Variants in PDK1 observed in about 807,000 individuals in gnomAD.
The protein encoded by PDK1 is pyruvate dehydrogenase kinase 1.
A neutral mutation model predicts 54.2 loss-of-function variants in PDK1; 39 were observed. The observed-to-expected ratio is 0.72, with a 90% CI of 0.56 to 0.94. The LOEUF (loss-of-function observed/expected upper bound fraction) is 0.94. PDK1 is among the 40% of genes least tolerant of loss of function. The pLI, the probability that PDK1 is intolerant of heterozygous loss-of-function variation, is 0.00. For synonymous variants in PDK1, 221 were observed against 207.1 expected (o/e 1.07, Z -0.58); for missense variants, 552 against 566.0 (o/e 0.98, Z 0.25).
chr2:172,636,594 A>C, the PDK1 span, among the ~76,000 whole-genome samples: 1 of 151,974 alleles, frequency 6.6e-6, no homozygotes, highest in Non-Finnish European at 1.5e-5. Flanking sequence ...GGTGGTGGGC[A>C]CCTGCAATCC....
At chr2:172,627,165 A>T in the PDK1 span, among the ~76,000 whole-genome samples, 1 of 152,232 alleles carries the variant, frequency 6.6e-6, no homozygotes, top group Admixed American at 6.5e-5. Context: ...TGTCTGAAAG[A>T]ATAGTATCTA....
the PDK1 span, among the ~76,000 whole-genome samples, chr2:172,704,779 C>T: frequency 6.6e-6 from 1 of 152,156 alleles, no homozygotes; most frequent in East Asian, 1.9e-4. Context: ...CATCTGTCTC[C>T]CACTTTGGGA....
the PDK1 span, among the ~76,000 whole-genome samples, chr2:172,722,366 A>G: frequency 6.6e-6 from 1 of 152,220 alleles, no homozygotes; most frequent in Non-Finnish European, 1.5e-5. Context: ...CCCTAGTCAA[A>G]TCACCTGGTC....
the PDK1 span, among the ~76,000 whole-genome samples, chr2:172,642,134 G>T: frequency 6.6e-6 from 1 of 152,190 alleles, no homozygotes; most frequent in Non-Finnish European, 1.5e-5. Flanking sequence ...CGGCACTGCT[G>T]TTGGGGAAGA....
chr2:172,662,493 C>T, the PDK1 span, among the ~76,000 whole-genome samples: 22 of 143,614 alleles, frequency 1.5e-4, no homozygotes, highest in African/African-American at 4.3e-4. Context: ...TTTTTAAAAT[C>T]GTGTGTGTGT....
At chr2:172,641,442 T>C in the PDK1 span, among the ~76,000 whole-genome samples, 1 of 4,586 alleles carries the variant, frequency 2.2e-4, no homozygotes, top group South Asian at 6.3e-3. Context: ...AACTTGTCCA[T>C]TTTTTTTTTT....
At chr2:172,683,654 A>T in the PDK1 span, among the ~76,000 whole-genome samples, 98 of 152,364 alleles carry the variant, frequency 6.4e-4, no homozygotes, top group Admixed American at 5.6e-3. Context: ...TGAGTAATGC[A>T]TGGATTATAT....
chr2:172,622,518 TTATATCA>T, the PDK1 span, among the ~76,000 whole-genome samples: 9 of 148,750 alleles, frequency 6.1e-5, no homozygotes, highest in African/African-American at 2.2e-4. Flanking sequence ...TGAGATATGT[TTATATCA>T]TATATTATGT....
At chr2:172,576,175 C>G (rs2149249001) in intron 8 of PDK1, among the ~76,000 whole-genome samples, 1 of 152,296 alleles carries the variant, frequency 6.6e-6, no homozygotes, top group South Asian at 2.1e-4. Context: ...ATCCACCTGC[C>G]TCAGCCTCCC....
chr2:172,685,037 C>G, the PDK1 span, among the ~76,000 whole-genome samples: 3 of 152,200 alleles, frequency 2.0e-5, no homozygotes, highest in African/African-American at 2.4e-5. Flanking sequence ...CCTCACTTCT[C>G]TCTCTCCTGC....
At chr2:172,663,316 C>T in the PDK1 span, among the ~76,000 whole-genome samples, 2 of 152,136 alleles carry the variant, frequency 1.3e-5, no homozygotes, top group Non-Finnish European at 2.9e-5. Context: ...CTTAATTGCC[C>T]TTGAAGATTC....
chr2:172,556,263 C>T lies in PDK1; in HGVS notation c.113C>T (p.Ser38Phe), dbSNP rs2149169538. The change falls in exon 1 of 11, where the codon TCC becomes TTC. Residue 38 changes from serine to phenylalanine, a missense_variant. By Grantham distance (155) the Ser-to-Phe change is radical (BLOSUM62 -2). Transcript: ENST00000282077. ...FSSDSGSSPA[S>F]ERGVPGQVDF... Reference sequence around the variant, plus strand: ...TCGGACTCGGGCTCCAGCCCGGCGTCCGAGCGCGGCGTTCCGGGCCAGGTG... The same window carrying T: ...TCGGACTCGGGCTCCAGCCCGGCGTTCGAGCGCGGCGTTCCGGGCCAGGTG... The T allele has an allele frequency of 1.3e-6, 2 of 1,485,398 alleles. No individual in the cohort carries two copies. Among genetic ancestry groups the T allele is most frequent in the Non-Finnish European group, 1.8e-6 (2 of 1,124,238 alleles). 92.0% of individuals were successfully genotyped at this position (1,485,398 alleles called of 1,614,324 possible). A position where few individuals can be genotyped will look rare whatever the true frequency, so the allele number is the denominator to read the frequency against.
the PDK1 span, among the ~76,000 whole-genome samples, chr2:172,709,522 C>T: frequency 0.021 from 3,239 of 152,288 alleles, 116 homozygotes; most frequent in African/African-American, 0.073. Flanking sequence ...TGCTTAATTT[C>T]AGCAAACTTT....
At chr2:172,703,766 CTTTTTTTTTTTT>C in the PDK1 span, among the ~76,000 whole-genome samples, 3 of 89,118 alleles carry the variant, frequency 3.4e-5, no homozygotes, top group Admixed American at 1.3e-4. Context: ...TTCTTTCTTT[CTTTTTTTTTTTT>C]TTTTTTTTTT....
At chr2:172,700,908 C>G in the PDK1 span, among the ~76,000 whole-genome samples, 2 of 152,130 alleles carry the variant, frequency 1.3e-5, no homozygotes, top group Non-Finnish European at 2.9e-5. Context: ...CATGCCGAGG[C>G]AGGAGAATCA....
rs541518372 is a variant in PDK1, at chr2:172,575,614, G to A, written c.945+4790G>A. ...AGGCAGGTGGATCACCTGAGGTCAGGAGTTTGAGACTAGCCTGGCCAACAT... is the reference window on the plus strand; with the variant it reads ...AGGCAGGTGGATCACCTGAGGTCAGAAGTTTGAGACTAGCCTGGCCAACAT... On this transcript the variant is annotated intron_variant, in intron 8 of 10. Coordinates refer to ENST00000282077, the MANE Select transcript of PDK1 (RefSeq NM_002610.5). Among the ~76,000 whole-genome samples the A allele has an allele frequency of 2.0e-5, 3 of 151,922 alleles. No individual in the cohort carries two copies. The South Asian group carries it at 6.3e-4, about 32-fold the overall frequency.
At chr2:172,651,694 A>G in the PDK1 span, among the ~76,000 whole-genome samples, 1 of 152,248 alleles carries the variant, frequency 6.6e-6, no homozygotes, top group African/African-American at 2.4e-5. Flanking sequence ...AAACACCTCT[A>G]CGCAAATAAA....
chr2:172,573,662 G>GATAC (rs1553480916), intron 8 of PDK1, among the ~76,000 whole-genome samples: 12 of 150,468 alleles, frequency 8.0e-5, no homozygotes, highest in African/African-American at 2.9e-4. Flanking sequence ...ACTCTCTCTA[G>GATAC]ATATATATAT....
the PDK1 span, among the ~76,000 whole-genome samples, chr2:172,618,489 A>G: frequency 5.9e-5 from 9 of 152,228 alleles, no homozygotes; most frequent in African/African-American, 2.2e-4. Context: ...GGTAGGAAAG[A>G]GTAGAAGTAA....
Sources: allele counts gnomAD v4.1 joint callset (sites outside exome capture counted in the v4.1 genomes callset), GRCh38; gene constraint gnomAD v4.1.1; transcripts MANE v1.5; gene names NCBI Gene and HGNC (gene_info 2026-07-23, HGNC 2026-07-21).